FAT3: variants seen among roughly 807,000 people sequenced by gnomAD.
The protein encoded by FAT3 is protocadherin Fat 3.
A neutral mutation model predicts 310.2 loss-of-function variants in FAT3; 95 were observed. That is an observed-to-expected ratio of 0.31 (90% CI 0.26 to 0.36). FAT3 has a LOEUF of 0.36. FAT3 is among the 10% of genes least tolerant of loss of function. The pLI, the probability that FAT3 is intolerant of heterozygous loss-of-function variation, is 1.00. For synonymous variants in FAT3, 2,314 were observed against 2,192.9 expected, an observed-to-expected ratio of 1.06 and a Z score of -1.54; for missense variants, 5,408 against 5,715.6, an observed-to-expected ratio of 0.95 and a Z score of 1.74.
intron 1 of FAT3, among the ~76,000 whole-genome samples, chr11:92,350,125 C>T (rs936196011): frequency 6.6e-6 from 1 of 151,876 alleles, no homozygotes; most frequent in Non-Finnish European, 1.5e-5. Flanking sequence ...AAAACTTTTT[C>T]CTATTTTAGC....
intron 19 of FAT3, among the ~76,000 whole-genome samples, chr11:92,852,828 GGGTTATGACA>G (rs1201537389): frequency 6.6e-6 from 1 of 152,158 alleles, no homozygotes; most frequent in Non-Finnish European, 1.5e-5. Context: ...GTCATGCTAT[GGGTTATGACA>G]GAAGGAAATA....
intron 19 of FAT3, among the ~76,000 whole-genome samples, chr11:92,849,574 T>C: frequency 6.6e-6 from 1 of 152,172 alleles, no homozygotes; most frequent in Non-Finnish European, 1.5e-5. Context: ...GTTCCTTTGC[T>C]CCTTGACTGT....
chr11:92,524,630 T>G lies in FAT3; in HGVS notation c.3293-4T>G. 1 of 1,611,132 alleles carries G rather than the reference T, an allele frequency of 6.2e-7. No individual in the cohort carries two copies. The highest frequency in any genetic ancestry group is 8.5e-7 in the Non-Finnish European group (1 of 1,177,634). ...GACAGTAACACTTCTCTTTTTTGTC[T>G]CAGGGGTCATCACTGCCGCAGACAT... is the stretch of plus-strand genomic sequence containing the variant. On this transcript the variant is annotated splice_polypyrimidine_tract_variant and splice_region_variant and intron_variant, in intron 2 of 27. Coordinates refer to ENST00000525166, the MANE Select transcript of FAT3 (RefSeq NM_001367949.2).
chr11:92,806,610 A>G, intron 12 of FAT3, 95 bp downstream of exon 12: 4 of 1,040,348 alleles, frequency 3.8e-6, no homozygotes, highest in South Asian at 1.8e-5. Flanking sequence ...AGTTAGTAGT[A>G]TACTTACTCT....
chr11:92,436,379 C>T (rs1218801261), intron 2 of FAT3, among the ~76,000 whole-genome samples: 2 of 151,946 alleles, frequency 1.3e-5, no homozygotes, highest in Non-Finnish European at 1.5e-5. Flanking sequence ...TGGACTCAAG[C>T]GATCCACCTG....
chr11:92,305,555 CA>C (rs1947096844), intron 1 of FAT3, among the ~76,000 whole-genome samples: 2 of 152,190 alleles, frequency 1.3e-5, no homozygotes, highest in Middle Eastern at 3.4e-3. Flanking sequence ...GAAAACCTAG[CA>C]AACACCAGCT....
chr11:92,397,754 A>T (rs1001243982), intron 2 of FAT3, among the ~76,000 whole-genome samples: 1 of 149,366 alleles, frequency 6.7e-6, no homozygotes, highest in Non-Finnish European at 1.5e-5. Context: ...TCCTTCCCAG[A>T]ATTTTTTTTT....
intron 2 of FAT3, among the ~76,000 whole-genome samples, chr11:92,401,827 A>G (rs980030257): frequency 7.2e-5 from 11 of 152,210 alleles, no homozygotes; most frequent in Admixed American, 2.0e-4. Flanking sequence ...TGGCACCAGT[A>G]GCTACAATAA....
intron 19 of FAT3, among the ~76,000 whole-genome samples, chr11:92,853,422 G>C (rs1429392205): frequency 6.6e-6 from 1 of 152,240 alleles, no homozygotes. Context: ...CTGACTTGGG[G>C]ATCCCCTAGG....
chr11:92,418,781 G>C (rs915649928), intron 2 of FAT3, among the ~76,000 whole-genome samples: 6 of 152,128 alleles, frequency 3.9e-5, no homozygotes, highest in Non-Finnish European at 5.9e-5. Context: ...AATCAAAGCT[G>C]TTTCCAAAAG....
At chr11:92,674,368 A>G (rs552104111) in intron 3 of FAT3, among the ~76,000 whole-genome samples, 41 of 151,882 alleles carry the variant, frequency 2.7e-4, no homozygotes, top group African/African-American at 9.9e-4. Flanking sequence ...GGTGTATACT[A>G]TGATGCACAG....
At chr11:92,602,578 T>G (rs1390768674) in intron 3 of FAT3, among the ~76,000 whole-genome samples, 1 of 152,220 alleles carries the variant, frequency 6.6e-6, no homozygotes, top group Non-Finnish European at 1.5e-5. Flanking sequence ...TCCCTGCAGC[T>G]TCATTGGCTG....
At chr11:92,528,370 G>A (rs1485486941) in intron 3 of FAT3, among the ~76,000 whole-genome samples, 1 of 152,190 alleles carries the variant, frequency 6.6e-6, no homozygotes, top group Non-Finnish European at 1.5e-5. Flanking sequence ...TCAGGCCGGT[G>A]TTCACTTGCC....
intron 24 of FAT3, among the ~76,000 whole-genome samples, chr11:92,884,348 G>A (rs1406953783): frequency 6.6e-6 from 1 of 152,132 alleles, no homozygotes; most frequent in Non-Finnish European, 1.5e-5. Context: ...TCCCAAAAAG[G>A]GAAGAAAGCA....
At chr11:92,517,014 C>T (rs1953507777) in intron 2 of FAT3, among the ~76,000 whole-genome samples, 1 of 152,184 alleles carries the variant, frequency 6.6e-6, no homozygotes, top group African/African-American at 2.4e-5. Context: ...ATTCCATGCT[C>T]ATGGATAGGA....
chr11:92,593,889 T>A (rs148384841), intron 3 of FAT3, among the ~76,000 whole-genome samples: 35 of 152,304 alleles, frequency 2.3e-4, no homozygotes, highest in Middle Eastern at 3.4e-3. Flanking sequence ...TTATAAAGCG[T>A]TATTTCAGTC....
intron 2 of FAT3, among the ~76,000 whole-genome samples, chr11:92,378,756 A>G (rs182262756): frequency 4.6e-5 from 7 of 152,348 alleles, no homozygotes; most frequent in African/African-American, 1.7e-4. Context: ...TTCTCACATT[A>G]CTAGAGGCTT....
chr11:92,502,285 G>A (rs1049558941), intron 2 of FAT3, among the ~76,000 whole-genome samples: 4 of 152,052 alleles, frequency 2.6e-5, no homozygotes, highest in African/African-American at 9.7e-5. Context: ...GGATAGGGTA[G>A]TTTGTTCCTA....
intron 3 of FAT3, among the ~76,000 whole-genome samples, chr11:92,567,923 G>A (rs1955525001): frequency 6.6e-6 from 1 of 151,660 alleles, no homozygotes; most frequent in Non-Finnish European, 1.5e-5. Context: ...GATAGCATTG[G>A]GAGATACACC....
Sources: gnomAD v4.1 joint callset for allele counts (sites outside exome capture counted in the v4.1 genomes callset) on GRCh38, gnomAD v4.1.1 for gene constraint, MANE v1.5 for transcripts, NCBI Gene and HGNC (gene_info 2026-07-23, HGNC 2026-07-21) for gene names.